Variants in NLGN1 observed in about 807,000 individuals in gnomAD.
NLGN1 encodes the protein neuroligin 1.
Under a neutral mutation model 65.5 loss-of-function variants are expected in NLGN1, and 12 were observed. That is an observed-to-expected ratio of 0.18 (90% CI 0.12 to 0.30). The LOEUF (loss-of-function observed/expected upper bound fraction) is 0.30. Among genes scored for constraint, NLGN1 ranks in the 10% least tolerant of loss-of-function variants. NLGN1 has a pLI of 1.00. For synonymous variants in NLGN1, 350 were observed against 359.5 expected (o/e 0.97, Z 0.30); for missense variants, 750 against 1,007.1 (o/e 0.74, Z 3.46).
chr3:173,536,085 G>A (rs1389982155), intron 2 of NLGN1, among the ~76,000 whole-genome samples: 2 of 152,274 alleles, frequency 1.3e-5, no homozygotes, highest in Non-Finnish European at 1.5e-5. Context: ...TTTTGGGTGG[G>A]TGGGAGCCTT....
chr3:173,620,172 C>A (rs760039886), intron 3 of NLGN1, among the ~76,000 whole-genome samples: 1 of 152,074 alleles, frequency 6.6e-6, no homozygotes, highest in African/African-American at 2.4e-5. Context: ...GGATGATAAA[C>A]CACGATAGGG....
At chr3:173,638,437 A>G (rs1756931194) in intron 3 of NLGN1, among the ~76,000 whole-genome samples, 1 of 151,750 alleles carries the variant, frequency 6.6e-6, no homozygotes, top group Non-Finnish European at 1.5e-5. Context: ...TTATTAAAAG[A>G]GGTATTTAAA....
intron 4 of NLGN1, among the ~76,000 whole-genome samples, chr3:174,050,826 A>G (rs2152502701): frequency 6.6e-6 from 1 of 152,174 alleles, no homozygotes; most frequent in Non-Finnish European, 1.5e-5. Flanking sequence ...TCAAAGCTAT[A>G]ATGGTGACAT....
chr3:173,623,319 A>G (rs1361298400), intron 3 of NLGN1, among the ~76,000 whole-genome samples: 1 of 151,808 alleles, frequency 6.6e-6, no homozygotes, highest in Non-Finnish European at 1.5e-5. Flanking sequence ...AGGTGCATAC[A>G]TAGTGTAAAA....
At chr3:173,785,005 A>G (rs1004445217) in intron 3 of NLGN1, among the ~76,000 whole-genome samples, 1 of 125,056 alleles carries the variant, frequency 8.0e-6, no homozygotes, top group Admixed American at 7.4e-5. Context: ...CACAAAACAA[A>G]TATATAGACA....
intron 4 of NLGN1, among the ~76,000 whole-genome samples, chr3:174,249,279 G>C (rs1744352426): frequency 6.6e-6 from 1 of 152,108 alleles, no homozygotes; most frequent in Non-Finnish European, 1.5e-5. Flanking sequence ...TAATTCACAA[G>C]TTACTTATTT....
chr3:173,434,420 C>T (rs1286913944), intron 1 of NLGN1, among the ~76,000 whole-genome samples: 2 of 152,046 alleles, frequency 1.3e-5, no homozygotes, highest in Non-Finnish European at 2.9e-5. Context: ...AATTCATGGG[C>T]CTCACTTAAG....
intron 4 of NLGN1, among the ~76,000 whole-genome samples, chr3:174,180,385 A>G (rs543856894): frequency 6.6e-6 from 1 of 152,296 alleles, no homozygotes; most frequent in Admixed American, 6.5e-5. Flanking sequence ...TATTTAGATA[A>G]CAAAGTGAAT....
At chr3:173,491,385 G>A (rs35853681) in intron 2 of NLGN1, among the ~76,000 whole-genome samples, 72,122 of 151,494 alleles carry the variant, frequency 0.48, 19,878 homozygotes, top group East Asian at 0.81. Flanking sequence ...CTGTTTATAC[G>A]CTGGATTATG....
chr3:173,892,740 G>A (rs1735597480), intron 4 of NLGN1, among the ~76,000 whole-genome samples: 1 of 151,614 alleles, frequency 6.6e-6, no homozygotes, highest in African/African-American at 2.4e-5. Context: ...GAGCCACTGG[G>A]CAGGAAAATG....
chr3:173,848,830 A>G (rs1726317462), intron 4 of NLGN1, among the ~76,000 whole-genome samples: 1 of 152,076 alleles, frequency 6.6e-6, no homozygotes, highest in Admixed American at 6.6e-5. Context: ...GAACTATTTT[A>G]TTTTCTGACT....
chr3:173,506,096 T>G (rs1731986981), intron 2 of NLGN1, among the ~76,000 whole-genome samples: 1 of 152,128 alleles, frequency 6.6e-6, no homozygotes, highest in Non-Finnish European at 1.5e-5. Flanking sequence ...TGATAAACCT[T>G]GAACCTTGAC....
intron 4 of NLGN1, among the ~76,000 whole-genome samples, chr3:174,226,370 A>G (rs1739698695): frequency 6.6e-6 from 1 of 152,126 alleles, no homozygotes; most frequent in South Asian, 2.1e-4. Flanking sequence ...AGGCTGGACT[A>G]GCTTAGTATA....
At chr3:173,935,804 T>A (rs767949060) in intron 4 of NLGN1, among the ~76,000 whole-genome samples, 13 of 151,984 alleles carry the variant, frequency 8.6e-5, no homozygotes, top group Non-Finnish European at 1.6e-4. Flanking sequence ...AAAGAAACAA[T>A]GTTTAGCAAC....
chr3:173,861,026 T>C (rs1288743408), intron 4 of NLGN1, among the ~76,000 whole-genome samples: 1 of 152,174 alleles, frequency 6.6e-6, no homozygotes, highest in African/African-American at 2.4e-5. Context: ...TTTTATATTA[T>C]AGGTTTTCTT....
At chr3:173,527,970 T>C (rs1359968189) in intron 2 of NLGN1, among the ~76,000 whole-genome samples, 1 of 152,244 alleles carries the variant, frequency 6.6e-6, no homozygotes, top group Non-Finnish European at 1.5e-5. Flanking sequence ...AATATTGATA[T>C]GCAAGGTTTT....
At chr3:174,211,954 T>C (rs1736677483) in intron 4 of NLGN1, among the ~76,000 whole-genome samples, 1 of 152,196 alleles carries the variant, frequency 6.6e-6, no homozygotes, top group Non-Finnish European at 1.5e-5. Context: ...TGCCTGCCAG[T>C]CCCGCGCCAT....
At chr3:173,909,748 C>T (rs1739199646) in intron 4 of NLGN1, among the ~76,000 whole-genome samples, 1 of 152,084 alleles carries the variant, frequency 6.6e-6, no homozygotes, top group Admixed American at 6.6e-5. Context: ...GGCATGATCT[C>T]GGCTACCGCA....
chr3:173,576,970 C>T (rs1745595403), intron 2 of NLGN1, among the ~76,000 whole-genome samples: 1 of 152,156 alleles, frequency 6.6e-6, no homozygotes, highest in African/African-American at 2.4e-5. Flanking sequence ...TGTGGCATGG[C>T]ACAACAGCTT....
Sources: gnomAD v4.1 joint callset for allele counts (sites outside exome capture counted in the v4.1 genomes callset) on GRCh38, gnomAD v4.1.1 for gene constraint, MANE v1.5 for transcripts, NCBI Gene and HGNC (gene_info 2026-07-23, HGNC 2026-07-21) for gene names.